Variants in CAP1 observed in about 807,000 individuals in gnomAD.
CAP1 encodes adenylyl cyclase-associated protein 1.
Under a neutral mutation model 58.2 loss-of-function variants are expected in CAP1, and 11 were observed. The observed-to-expected ratio is 0.19, with a 90% CI of 0.12 to 0.31. The LOEUF is 0.31. Ranked by LOEUF, CAP1 falls within the 10% of genes least tolerant of loss-of-function variation. CAP1 has a pLI of 1.00. For synonymous variants in CAP1, 183 were observed against 213.8 expected (o/e 0.86, Z 1.26); for missense variants, 423 against 587.5 (o/e 0.72, Z 2.89).
chr1:40,064,408 G>C, intron 5 of CAP1, 38 bp downstream of exon 5: 1 of 1,613,880 alleles, frequency 6.2e-7, no homozygotes. Flanking sequence ...GGTGGGTATA[G>C]ATTTTAAGAG....
chr1:40,064,615 C>G, intron 6 of CAP1, 56 bp downstream of exon 6: 1 of 1,360,368 alleles, frequency 7.4e-7, no homozygotes, highest in Non-Finnish European at 1.0e-6. Flanking sequence ...CTTGCGTTGT[C>G]ACCCAGGCTG....
chr1:40,047,856 G>A (rs1241807061), intron 1 of CAP1, among the ~76,000 whole-genome samples: 1 of 152,186 alleles, frequency 6.6e-6, no homozygotes, highest in Non-Finnish European at 1.5e-5. Context: ...TAGAGGACAT[G>A]TGTAAGGAGG....
In CAP1 at chr1:40,044,729, A is replaced by G. The variant is rs951905465; in HGVS notation, c.-11+3928A>G. On this transcript the variant is annotated intron_variant, in intron 1 of 12. Transcript: ENST00000372805. The stretch of plus-strand genomic sequence containing the variant: ...CCTTTTGCACCTCCCTATGCTCCTT[A>G]TTAAATTAGAACAGGGTTTCTCAAC... 2.0e-5 allele frequency among the ~76,000 whole-genome samples: 3 copies of G among 147,804 alleles called. No individual in the cohort carries two copies. The East Asian group carries it at 6.0e-4, about 30-fold the overall frequency.
chr1:40,051,759 C>A (rs982941884), intron 1 of CAP1, among the ~76,000 whole-genome samples: 1 of 151,796 alleles, frequency 6.6e-6, no homozygotes, highest in Non-Finnish European at 1.5e-5. Context: ...TTATTAGAGA[C>A]GGGGTTTCAC....
chr1:40,055,764 C>A (rs944895597), intron 1 of CAP1, among the ~76,000 whole-genome samples: 1 of 152,190 alleles, frequency 6.6e-6, no homozygotes, highest in Non-Finnish European at 1.5e-5. Flanking sequence ...CTGTCTTGGC[C>A]TCCCAAAGTG....
chr1:40,071,110 C>T lies in CAP1; in HGVS notation c.1344+131C>T, dbSNP rs560691125. The T allele has an allele frequency of 1.3e-4, 109 of 866,520 alleles. No homozygotes were observed. In the African/African-American group the frequency reaches 1.4e-3, roughly 11 times the overall value. 53.7% of individuals were successfully genotyped at this position (866,520 alleles called of 1,614,324 possible). On this transcript the variant is annotated intron_variant, in intron 12 of 12. Coordinates refer to ENST00000372805, the MANE Select transcript of CAP1 (RefSeq NM_006367.4). ...AACCCAATAATGCACACCAAAAGTA[C>T]ACAGAAATGAGGTAGTCCCATGTAG...
Position 40,066,340 on chromosome 1 carries a change from C to A in CAP1, c.630+20C>A. ...AAAACGGTTAGTGAATCCTTCCTCC[C>A]TCCCTCCCTCCCTCCCACTTTCTCT... On this transcript the variant is annotated intron_variant, in intron 7 of 12. Transcript: ENST00000372805. 8.4e-7 allele frequency: 1 copy of A among 1,191,580 alleles called. No homozygotes were observed. Among genetic ancestry groups the A allele is most frequent in the Non-Finnish European group, 1.3e-6 (1 of 799,636 alleles). The allele number at this position is 1,191,580 out of a possible 1,614,324, so 73.8% of individuals were successfully genotyped here.
intron 4 of CAP1, 69 bp downstream of exon 4, chr1:40,061,881 C>G (rs1410371656): frequency 5.2e-6 from 6 of 1,161,926 alleles, no homozygotes; most frequent in African/African-American, 1.5e-5. Flanking sequence ...TTATGTCAAG[C>G]TATTATAACA....
At chr1:40,045,586 T>C (rs151296970) in intron 1 of CAP1, among the ~76,000 whole-genome samples, 1,918 of 152,106 alleles carry the variant, frequency 0.013, 45 homozygotes, top group African/African-American at 0.044. Flanking sequence ...GATGGAGTTT[T>C]GCTCGGTCGC....
Position 40,066,640 on chromosome 1 carries a change from C to A in CAP1, c.630+320C>A, listed in dbSNP as rs374635178. Among the ~76,000 whole-genome samples, 484 of 152,190 alleles carry A rather than the reference C, an allele frequency of 3.2e-3. 1 individual carries two copies. The highest frequency in any genetic ancestry group is 0.011 in the African/African-American group (473 of 41,508). ...GCTTAAAAATAAGAATGCAAAACCC[C>A]AATACAAATCACCAAGCCAAATGCT... On this transcript the variant is annotated intron_variant, in intron 7 of 12. Transcript: ENST00000372805.
rs559313068 is a variant in CAP1, at chr1:40,072,043, C to T, written c.*510C>T. 1 of 403,236 alleles carries T rather than the reference C, an allele frequency of 2.5e-6. No homozygotes were observed. Among genetic ancestry groups the T allele is most frequent in the African/African-American group, 2.1e-5 (1 of 48,760 alleles). The allele number at this position is 403,236 out of a possible 1,614,324, so 25.0% of individuals were successfully genotyped here. A position where few individuals can be genotyped will look rare whatever the true frequency, so the allele number is the denominator to read the frequency against. ...CACTGGACCAAAGGCTGAGGCTTGG[C>T]CATCTAGCATTCCATACAAAATTGT... On this transcript the variant is annotated 3_prime_UTR_variant, in exon 13 of 13. Transcript: ENST00000372805.
intron 8 of CAP1, 59 bp from the exon 9 acceptor site, chr1:40,069,631 G>A (rs925063850): frequency 6.2e-6 from 9 of 1,444,726 alleles, no homozygotes; most frequent in East Asian, 2.4e-5. Flanking sequence ...TTAACATGAC[G>A]ATAGCAGCTC....
intron 3 of CAP1, among the ~76,000 whole-genome samples, chr1:40,060,966 A>G (rs1273401515): frequency 6.6e-6 from 1 of 152,186 alleles, no homozygotes; most frequent in Admixed American, 6.5e-5. Flanking sequence ...TAAAACATTT[A>G]TCATTTGTAT....
intron 1 of CAP1, among the ~76,000 whole-genome samples, chr1:40,043,346 C>T (rs780051574): frequency 4.6e-5 from 7 of 151,974 alleles, no homozygotes; most frequent in Non-Finnish European, 7.4e-5. Context: ...TACAGGCGTG[C>T]GCCACCACGC....
In CAP1 at chr1:40,051,936, T is replaced by G. The variant is rs758596236; in HGVS notation, c.-10-7401T>G. Among the ~76,000 whole-genome samples the G allele has an allele frequency of 9.9e-5, 15 of 152,192 alleles. 1 individual carries two copies. Among genetic ancestry groups the G allele is most frequent in the Non-Finnish European group, 2.1e-4 (14 of 68,036 alleles). ...AAACTTTAACAAATATAATCTACAGTATTTATTCCATTCACATTTTATTTT... is the reference window on the plus strand; with the variant it reads ...AAACTTTAACAAATATAATCTACAGGATTTATTCCATTCACATTTTATTTT... On this transcript the variant is annotated intron_variant, in intron 1 of 12. Transcript: ENST00000372805.
intron 1 of CAP1, among the ~76,000 whole-genome samples, chr1:40,049,134 T>C (rs536238451): frequency 6.7e-6 from 1 of 149,740 alleles, no homozygotes; most frequent in East Asian, 2.0e-4. Flanking sequence ...GTTAGAAGTA[T>C]AAGAGTGTGA....
chr1:40,044,906 C>T (rs1646017002), intron 1 of CAP1, among the ~76,000 whole-genome samples: 1 of 150,268 alleles, frequency 6.7e-6, no homozygotes, highest in African/African-American at 2.5e-5. Flanking sequence ...ACGCCATTCA[C>T]CTGCTTCAGC....
chr1:40,066,710 C>T (rs374401998), intron 7 of CAP1, among the ~76,000 whole-genome samples: 1 of 152,176 alleles, frequency 6.6e-6, no homozygotes, highest in East Asian at 1.9e-4. Context: ...AAGAGTGCTT[C>T]TCACTAGAAG....
intron 4 of CAP1, among the ~76,000 whole-genome samples, chr1:40,063,194 C>T (rs3131668): frequency 0.84 from 126,780 of 151,464 alleles, 53,041 homozygotes; most frequent in East Asian, 0.88. Flanking sequence ...TTATTTATTT[C>T]TGAGATGGAG....
Sources: gnomAD v4.1 joint callset for allele counts (sites outside exome capture counted in the v4.1 genomes callset) on GRCh38, gnomAD v4.1.1 for gene constraint, MANE v1.5 for transcripts, NCBI Gene and HGNC (gene_info 2026-07-23, HGNC 2026-07-21) for gene names.